The following C2orf78 variants were observed in gnomAD, a reference collection of about 807,000 sequenced individuals.
C2orf78 encodes uncharacterized protein C2orf78.
Under a neutral mutation model 21.4 loss-of-function variants are expected in C2orf78, and 12 were observed. The observed-to-expected ratio is 0.56, with a 90% CI of 0.36 to 0.91. The LOEUF (loss-of-function observed/expected upper bound fraction) is 0.91. C2orf78 is among the 40% of genes least tolerant of loss of function. C2orf78 has a pLI of 0.01. For missense variants in C2orf78, 1,042 were observed against 1,092.4 expected, an observed-to-expected ratio of 0.95 and a Z score of 0.65; for synonymous variants, 396 against 413.9, an observed-to-expected ratio of 0.96 and a Z score of 0.52.
chr2:73,816,994 A>G (rs1673218176), exon 3 of C2orf78: 4 of 1,602,114 alleles, frequency 2.5e-6, no homozygotes, highest in Non-Finnish European at 3.4e-6. Context: ...ACAATCTAAG[A>G]GCTGAGATTG....
chr2:73,813,737 G>T, exon 2 of C2orf78: 1 of 1,614,038 alleles, frequency 6.2e-7, no homozygotes, highest in South Asian at 1.1e-5. Context: ...CTGTACTTCA[G>T]CTGCCTCTTA....
In C2orf78 at chr2:73,816,446, A is replaced by G. The variant is rs528184691; in HGVS notation, c.2223A>G (p.Leu741=). Residue 741 remains leucine (L), a synonymous_variant, in exon 3 of 3, where the codon CTA becomes CTG. Transcript: ENST00000409561. ...ATGTTTCTCGGCGGCCAAACCCTCT[A>G]GCCTCACGTAGGCCTGCTGTGGCTT... 4.3e-6 allele frequency: 7 copies of G among 1,613,922 alleles called. No homozygotes were observed. In the South Asian group the frequency reaches 7.7e-5, roughly 18 times the overall value.
At chr2:73,816,310 G>C in exon 3 of C2orf78, 3 of 1,613,850 alleles carry the variant, frequency 1.9e-6, no homozygotes, top group Non-Finnish European at 2.5e-6. Flanking sequence ...AAACTAGATG[G>C]TAGTGCTGAA....
At chr2:73,784,430 A>G (rs1436949764) in intron 1 of C2orf78, 24 bp downstream of exon 1, 2 of 763,892 alleles carry the variant, frequency 2.6e-6, no homozygotes, top group East Asian at 2.8e-5. Flanking sequence ...CTTTTTAAAA[A>G]GGTTTTCATG....
Position 73,815,064 on chromosome 2 carries a change from T to G in C2orf78, c.848-7T>G, listed in dbSNP as rs1336640320. On this transcript the variant is annotated splice_region_variant and splice_polypyrimidine_tract_variant and intron_variant, in intron 2 of 2. Coordinates refer to ENST00000409561, the Ensembl canonical transcript of C2orf78. ...AGGGACTGACTTCTTCCTTGATTCC[T>G]TTGTAGTGATGGAAACTTCCCTGGG... The G allele has an allele frequency of 6.2e-7, 1 of 1,604,676 alleles. No individual in the cohort carries two copies. The highest frequency in any genetic ancestry group is 1.7e-5 in the Admixed American group (1 of 59,382).
In C2orf78 at chr2:73,812,971, T is replaced by C. The variant is rs1040272646; in HGVS notation, c.98-506T>C. ...CATATTAAAAGTTCTAATTTCCTGG[T>C]TTCTGGTCTATGCTCAGAGAAAAGA... On this transcript the variant is annotated intron_variant, in intron 1 of 2. Coordinates refer to ENST00000409561, the Ensembl canonical transcript of C2orf78. Among the ~76,000 whole-genome samples, 77 of 152,320 alleles carry C rather than the reference T, an allele frequency of 5.1e-4. 1 individual carries two copies. Among genetic ancestry groups the C allele is most frequent in the African/African-American group, 1.8e-3 (74 of 41,574 alleles).
intron 1 of C2orf78, among the ~76,000 whole-genome samples, chr2:73,810,474 C>A (rs1412167887): frequency 1.3e-5 from 2 of 149,766 alleles, no homozygotes; most frequent in African/African-American, 2.5e-5. Context: ...TTGCAGTGAG[C>A]CTAGATCATG....
At chr2:73,816,246 C>T (rs759469989) in exon 3 of C2orf78, 12 of 1,613,910 alleles carry the variant, frequency 7.4e-6, no homozygotes, top group Non-Finnish European at 1.0e-5. Flanking sequence ...CAAACCATGG[C>T]TGGATATCCA....
intron 1 of C2orf78, among the ~76,000 whole-genome samples, chr2:73,809,836 C>G (rs1484723144): frequency 6.6e-6 from 1 of 152,018 alleles, no homozygotes; most frequent in Non-Finnish European, 1.5e-5. Context: ...ACATTCCTAT[C>G]TAAACTAGGT....
At chr2:73,813,438 C>T (rs1026302773) in intron 1 of C2orf78, 39 bp from the exon 2 acceptor site, 1 of 1,506,908 alleles carries the variant, frequency 6.6e-7, no homozygotes, top group Non-Finnish European at 8.8e-7. Context: ...GAATTTTTCA[C>T]TCTCATCGGT....
chr2:73,792,363 G>T (rs1324404708), intron 1 of C2orf78, among the ~76,000 whole-genome samples: 3 of 91,434 alleles, frequency 3.3e-5, no homozygotes, highest in South Asian at 3.2e-4. Context: ...GCGAGTACCT[G>T]TAATCCCAGC....
exon 3 of C2orf78, chr2:73,815,503 A>T (rs1251127139): frequency 6.2e-7 from 1 of 1,613,960 alleles, no homozygotes; most frequent in South Asian, 1.1e-5. Context: ...AGTCTTGAGG[A>T]CCAAGGGATA....
chr2:73,816,879 G>C (rs376212025), exon 3 of C2orf78: 2 of 1,613,930 alleles, frequency 1.2e-6, no homozygotes, highest in South Asian at 1.1e-5. Flanking sequence ...GAAGAGAAAG[G>C]CTCAACAAGA....
chr2:73,815,177 A>C (rs1207908817), exon 3 of C2orf78: 1 of 1,614,040 alleles, frequency 6.2e-7, no homozygotes, highest in Non-Finnish European at 8.5e-7. Context: ...TCAGTAGCAG[A>C]AATACCCAGA....
intron 1 of C2orf78, among the ~76,000 whole-genome samples, chr2:73,811,930 C>T (rs1268058919): frequency 6.6e-6 from 1 of 152,086 alleles, no homozygotes; most frequent in African/African-American, 2.4e-5. Flanking sequence ...AATTCCTTTA[C>T]ACTTATTTTT....
chr2:73,811,738 C>A (rs778097420), intron 1 of C2orf78, among the ~76,000 whole-genome samples: 4 of 151,902 alleles, frequency 2.6e-5, no homozygotes, highest in Non-Finnish European at 5.9e-5. Context: ...ATGGGAATGT[C>A]ATTTTCCTGG....
chr2:73,811,418 A>G (rs1198798216), intron 1 of C2orf78, among the ~76,000 whole-genome samples: 1 of 152,184 alleles, frequency 6.6e-6, no homozygotes, highest in Non-Finnish European at 1.5e-5. Flanking sequence ...TGTTTCTCCT[A>G]TTAACAATAA....
chr2:73,813,793 G>A, exon 2 of C2orf78: 5 of 1,614,046 alleles, frequency 3.1e-6, no homozygotes, highest in Non-Finnish European at 4.2e-6. Flanking sequence ...CAGTAAAGAA[G>A]TCATCCTCAC....
chr2:73,814,887 CA>C (rs1673161102), intron 2 of C2orf78, among the ~76,000 whole-genome samples, 183 bp from the exon 3 acceptor site: 1 of 152,218 alleles, frequency 6.6e-6, no homozygotes, highest in South Asian at 2.1e-4. Flanking sequence ...ACAATCACAT[CA>C]AATGATAACC....
Sources: gnomAD v4.1 joint callset for allele counts (sites outside exome capture counted in the v4.1 genomes callset) on GRCh38, gnomAD v4.1.1 for gene constraint, MANE v1.5 for transcripts, NCBI Gene and HGNC (gene_info 2026-07-23, HGNC 2026-07-21) for gene names.